Variants in CNTNAP5 observed in about 807,000 individuals in gnomAD.
The protein encoded by CNTNAP5 is contactin-associated protein-like 5.
In CNTNAP5, 72 loss-of-function variants were observed where a neutral mutation model predicts 150.2. The ratio of observed to expected loss-of-function variants is 0.48; its 90% confidence interval spans 0.40 to 0.58. The LOEUF (loss-of-function observed/expected upper bound fraction) is 0.58. Among genes scored for constraint, CNTNAP5 ranks in the 20% least tolerant of loss-of-function variants. The pLI is 0.00. For missense variants in CNTNAP5, 1,636 were observed against 1,626.2 expected, an observed-to-expected ratio of 1.01 and a Z score of -0.10; for synonymous variants, 672 against 619.8, an observed-to-expected ratio of 1.08 and a Z score of -1.25.
chr2:124,160,537 A>T (rs1684651738), intron 1 of CNTNAP5, among the ~76,000 whole-genome samples: 1 of 150,584 alleles, frequency 6.6e-6, no homozygotes, highest in African/African-American at 2.4e-5. Context: ...TTTTTTTTTT[A>T]AAGTTAAGAG....
intron 8 of CNTNAP5, among the ~76,000 whole-genome samples, chr2:124,510,265 C>CTATA (rs1257251882): frequency 1.2e-5 from 1 of 86,842 alleles, no homozygotes; most frequent in Middle Eastern, 4.9e-3. Flanking sequence ...ATCTATATAT[C>CTATA]TATATATCTA....
At chr2:124,789,874 A>G (rs779281956) in intron 17 of CNTNAP5, 28 bp from the exon 18 acceptor site, 3 of 1,609,726 alleles carry the variant, frequency 1.9e-6, no homozygotes, top group East Asian at 2.2e-5. Flanking sequence ...AATACCTTAC[A>G]TTTGTTTCCT....
chr2:124,391,705 C>T (rs1691113525), intron 3 of CNTNAP5, among the ~76,000 whole-genome samples: 1 of 152,200 alleles, frequency 6.6e-6, no homozygotes, highest in African/African-American at 2.4e-5. Flanking sequence ...CCTGTAATCC[C>T]AGCACTTTGG....
At chr2:124,414,172 T>A (rs1439273174) in intron 3 of CNTNAP5, among the ~76,000 whole-genome samples, 1 of 151,450 alleles carries the variant, frequency 6.6e-6, no homozygotes, top group East Asian at 1.9e-4. Flanking sequence ...GTTGTTCACA[T>A]GTTACATTCA....
intron 1 of CNTNAP5, among the ~76,000 whole-genome samples, chr2:124,146,742 A>C (rs999577206): frequency 4.6e-5 from 7 of 152,190 alleles, no homozygotes; most frequent in Admixed American, 4.6e-4. Context: ...TTTTTATTCT[A>C]TCTCTTTGTT....
At chr2:124,548,888 GA>G (rs1014944470) in intron 10 of CNTNAP5, among the ~76,000 whole-genome samples, 9 of 152,132 alleles carry the variant, frequency 5.9e-5, no homozygotes, top group African/African-American at 1.7e-4. Context: ...GGAGGAACTG[GA>G]ATTAAAACTT....
chr2:124,387,651 A>G (rs934800892), intron 3 of CNTNAP5, among the ~76,000 whole-genome samples: 1 of 152,192 alleles, frequency 6.6e-6, no homozygotes, highest in Non-Finnish European at 1.5e-5. Flanking sequence ...GGAGATTACA[A>G]AGTACATTGA....
chr2:124,662,865 A>G (rs1215083703), intron 13 of CNTNAP5, among the ~76,000 whole-genome samples: 1 of 152,244 alleles, frequency 6.6e-6, no homozygotes. Flanking sequence ...ATATATGTAC[A>G]TATATGCACT....
chr2:124,342,420 A>C (rs1206933179), intron 3 of CNTNAP5, among the ~76,000 whole-genome samples: 3 of 152,134 alleles, frequency 2.0e-5, no homozygotes, highest in Admixed American at 6.6e-5. Context: ...ACTTACCAGC[A>C]TGGCAGCCCC....
chr2:124,209,449 C>G (rs1221573446), intron 1 of CNTNAP5, among the ~76,000 whole-genome samples: 1 of 152,196 alleles, frequency 6.6e-6, no homozygotes. Flanking sequence ...ATGGTAATGA[C>G]AAATCTCATC....
chr2:124,684,337 A>G (rs1558734796), intron 13 of CNTNAP5, among the ~76,000 whole-genome samples: 2 of 152,230 alleles, frequency 1.3e-5, no homozygotes, highest in Admixed American at 6.5e-5. Context: ...AGTGTATGTT[A>G]AAAACATTAT....
intron 1 of CNTNAP5, among the ~76,000 whole-genome samples, chr2:124,055,872 A>C (rs1681832669): frequency 6.6e-6 from 1 of 152,030 alleles, no homozygotes; most frequent in African/African-American, 2.4e-5. Context: ...CCCCCCATTT[A>C]ACAACATACT....
At chr2:124,302,803 G>A (rs1393561640) in intron 3 of CNTNAP5, among the ~76,000 whole-genome samples, 1 of 152,176 alleles carries the variant, frequency 6.6e-6, no homozygotes, top group African/African-American at 2.4e-5. Flanking sequence ...GCTTGAGTAA[G>A]CTGAGTGTGT....
At chr2:124,633,666 C>T (rs1677910871) in intron 12 of CNTNAP5, among the ~76,000 whole-genome samples, 1 of 152,226 alleles carries the variant, frequency 6.6e-6, no homozygotes, top group Admixed American at 6.5e-5. Flanking sequence ...GGGGCTCCAA[C>T]TCCACATTTC....
intron 1 of CNTNAP5, among the ~76,000 whole-genome samples, chr2:124,060,250 G>A (rs1681971714): frequency 6.6e-6 from 1 of 152,162 alleles, no homozygotes; most frequent in African/African-American, 2.4e-5. Flanking sequence ...GAAGATATCT[G>A]TCATGATTAA....
At chr2:124,552,657 G>A (rs1174773334) in intron 10 of CNTNAP5, among the ~76,000 whole-genome samples, 1 of 152,018 alleles carries the variant, frequency 6.6e-6, no homozygotes, top group Non-Finnish European at 1.5e-5. Flanking sequence ...CTATAAATTT[G>A]TGTGTGTATA....
intron 1 of CNTNAP5, among the ~76,000 whole-genome samples, chr2:124,175,893 A>C (rs774377287): frequency 6.6e-6 from 1 of 152,228 alleles, no homozygotes; most frequent in East Asian, 1.9e-4. Context: ...GAACAGTGCT[A>C]CAATGAATAT....
At chr2:124,042,783 C>CATCTATCTATCTATCT (rs3036301) in intron 1 of CNTNAP5, among the ~76,000 whole-genome samples, 95 of 148,232 alleles carry the variant, frequency 6.4e-4, no homozygotes, top group East Asian at 1.2e-3. Context: ...AACTCTCTAT[C>CATCTATCTATCTATCT]ATCTATCTAT....
At chr2:124,430,809 C>A (rs904226886) in intron 4 of CNTNAP5, among the ~76,000 whole-genome samples, 1 of 152,116 alleles carries the variant, frequency 6.6e-6, no homozygotes, top group African/African-American at 2.4e-5. Context: ...AATCCCAAAC[C>A]CAGACAGAAT....
Sources: gnomAD v4.1 joint callset for allele counts (sites outside exome capture counted in the v4.1 genomes callset) on GRCh38, gnomAD v4.1.1 for gene constraint, MANE v1.5 for transcripts, NCBI Gene and HGNC (gene_info 2026-07-23, HGNC 2026-07-21) for gene names.